ULK4: variants seen among roughly 807,000 people sequenced by gnomAD.
ULK4 encodes inactive serine/threonine-protein kinase ULK4.
In ULK4, 133 loss-of-function variants were observed where a neutral mutation model predicts 160.6. The observed-to-expected ratio is 0.83, with a 90% CI of 0.72 to 0.96. The LOEUF (loss-of-function observed/expected upper bound fraction) is 0.96, where lower values mean the gene tolerates loss of function less well. Among genes scored for constraint, ULK4 ranks in the 40% least tolerant of loss-of-function variants. The probability of loss-of-function intolerance (pLI) is 0.00; values close to 1 mark genes in which losing one functional copy is unlikely to be tolerated. For missense variants in ULK4, 1,580 were observed against 1,499.5 expected, an observed-to-expected ratio of 1.05 and a Z score of -0.89; for synonymous variants, 534 against 539.8, an observed-to-expected ratio of 0.99 and a Z score of 0.15.
chr3:41,803,810 T>C (rs1485459065), intron 19 of ULK4, among the ~76,000 whole-genome samples: 1 of 152,200 alleles, frequency 6.6e-6, no homozygotes, highest in Non-Finnish European at 1.5e-5. Context: ...ACAAAGGACA[T>C]GAACTCATCA....
At chr3:41,261,230 G>A (rs2078935260) in intron 35 of ULK4, among the ~76,000 whole-genome samples, 2 of 152,284 alleles carry the variant, frequency 1.3e-5, no homozygotes, top group African/African-American at 4.8e-5. Flanking sequence ...CGTCAAGAAA[G>A]GAAATTAACA....
At chr3:41,864,487 C>T (rs983162997) in intron 17 of ULK4, among the ~76,000 whole-genome samples, 2 of 151,658 alleles carry the variant, frequency 1.3e-5, no homozygotes, top group African/African-American at 4.9e-5. Context: ...TGTGTAGATA[C>T]TTGTTAATTT....
At chr3:41,663,791 A>G in intron 29 of ULK4, 92 bp from the exon 30 acceptor site, 1 of 1,039,528 alleles carries the variant, frequency 9.6e-7, no homozygotes, top group Non-Finnish European at 1.5e-6. Flanking sequence ...AATTTAGCTT[A>G]AGACAGAAAG....
chr3:41,564,115 G>A (rs1575420671), intron 32 of ULK4, among the ~76,000 whole-genome samples: 2 of 152,200 alleles, frequency 1.3e-5, no homozygotes, highest in South Asian at 2.1e-4. Flanking sequence ...CTTACAGTCA[G>A]GTCCCTCAGC....
chr3:41,883,489 A>G (rs1274642830), intron 17 of ULK4, among the ~76,000 whole-genome samples: 1 of 152,240 alleles, frequency 6.6e-6, no homozygotes, highest in African/African-American at 2.4e-5. Context: ...TTTCATACGA[A>G]AACACTACAT....
intron 35 of ULK4, among the ~76,000 whole-genome samples, chr3:41,392,182 C>T (rs2081971166): frequency 6.6e-6 from 1 of 152,020 alleles, no homozygotes; most frequent in Non-Finnish European, 1.5e-5. Context: ...GAAGGATTTC[C>T]ATCACATTTT....
intron 2 of ULK4, among the ~76,000 whole-genome samples, chr3:41,953,456 C>T (rs113923306): frequency 0.13 from 18,987 of 151,562 alleles, 1,372 homozygotes; most frequent in Middle Eastern, 0.27. Flanking sequence ...GTGTGCACTA[C>T]CACGCCCAGC....
intron 21 of ULK4, among the ~76,000 whole-genome samples, chr3:41,772,555 A>C (rs536030067): frequency 5.6e-4 from 85 of 152,024 alleles, no homozygotes; most frequent in East Asian, 3.5e-3. Context: ...CAATAACAGG[A>C]TCTGAAATTG....
At chr3:41,417,814 TTTTA>T (rs1489062884) in intron 34 of ULK4, among the ~76,000 whole-genome samples, 4 of 152,190 alleles carry the variant, frequency 2.6e-5, no homozygotes, top group African/African-American at 9.7e-5. Context: ...GAAATGTAGT[TTTTA>T]TTCTGGCTGT....
chr3:41,660,968 T>C (rs2035131802), intron 30 of ULK4, among the ~76,000 whole-genome samples: 1 of 152,242 alleles, frequency 6.6e-6, no homozygotes, highest in South Asian at 2.1e-4. Flanking sequence ...ATTATGGCTA[T>C]ATCATAGTTT....
intron 32 of ULK4, among the ~76,000 whole-genome samples, chr3:41,564,618 C>G (rs568341738): frequency 1.3e-5 from 2 of 151,884 alleles, no homozygotes; most frequent in Non-Finnish European, 2.9e-5. Context: ...GCCACCACAC[C>G]TGGCTAATTT....
At chr3:41,750,723 T>G (rs1215681918) in intron 22 of ULK4, among the ~76,000 whole-genome samples, 1 of 152,004 alleles carries the variant, frequency 6.6e-6, no homozygotes, top group East Asian at 1.9e-4. Context: ...TGGCCGGGTG[T>G]GGTGGCTCAC....
At chr3:41,513,460 C>G (rs1218084784) in intron 32 of ULK4, among the ~76,000 whole-genome samples, 1 of 152,126 alleles carries the variant, frequency 6.6e-6, no homozygotes, top group Admixed American at 6.5e-5. Context: ...CAATGAAGCC[C>G]CATCTCTATT....
At chr3:41,487,499 G>C (rs1222745373) in intron 32 of ULK4, among the ~76,000 whole-genome samples, 1 of 152,078 alleles carries the variant, frequency 6.6e-6, no homozygotes, top group Non-Finnish European at 1.5e-5. Flanking sequence ...CAGGAATTAA[G>C]AGCTATACCA....
chr3:41,894,119 G>A lies in ULK4; in HGVS notation c.1577+1399C>T, dbSNP rs114258228. The stretch of plus-strand genomic sequence containing the variant: ...CAAGGGGATACTAAAACCAATCTCC[G>A]GGCTGATACAGAAGGATGACTGTAC... On this transcript the variant is annotated intron_variant, in intron 16 of 36. Transcript: ENST00000301831. Among the ~76,000 whole-genome samples the A allele has an allele frequency of 5.8e-3, 876 of 152,256 alleles. 7 individuals carry two copies. Among genetic ancestry groups the A allele is most frequent in the African/African-American group, 0.019 (807 of 41,564 alleles).
chr3:41,734,578 G>GA (rs910072836), intron 22 of ULK4, among the ~76,000 whole-genome samples: 2 of 151,452 alleles, frequency 1.3e-5, no homozygotes, highest in Non-Finnish European at 2.9e-5. Flanking sequence ...TGATGAAAGA[G>GA]AAAAAAAAGA....
At position 41,534,831 on chromosome 3, in the gene ULK4, A is replaced by G. The variant is rs576793446; in HGVS notation, c.3226+31194T>C. Reference sequence around the variant, plus strand: ...TCTTTGAGAATCTGATATGGTTTTTATCATATATTGCCTATATATGAGAAA... The same window carrying G: ...TCTTTGAGAATCTGATATGGTTTTTGTCATATATTGCCTATATATGAGAAA... On this transcript the variant is annotated intron_variant, in intron 32 of 36. Transcript: ENST00000301831. Among the ~76,000 whole-genome samples the G allele has an allele frequency of 1.2e-3, 176 of 152,298 alleles. 1 individual carries two copies. In the South Asian group the frequency reaches 0.016, roughly 14 times the overall value.
chr3:41,746,336 A>C (rs368020264), intron 22 of ULK4, among the ~76,000 whole-genome samples: 1 of 149,742 alleles, frequency 6.7e-6, no homozygotes, highest in African/African-American at 2.5e-5. Flanking sequence ...ACGCTGTAGA[A>C]GATAAAATCA....
At chr3:41,580,637 T>C (rs1457974109) in intron 31 of ULK4, among the ~76,000 whole-genome samples, 1 of 152,098 alleles carries the variant, frequency 6.6e-6, no homozygotes, top group African/African-American at 2.4e-5. Context: ...TGTAAAACCA[T>C]ACGAGTGACA....
Sources: allele counts gnomAD v4.1 joint callset (sites outside exome capture counted in the v4.1 genomes callset), GRCh38; gene constraint gnomAD v4.1.1; transcripts MANE v1.5; gene names NCBI Gene and HGNC (gene_info 2026-07-23, HGNC 2026-07-21).